SEL1L3: variants seen among roughly 807,000 people sequenced by gnomAD.
SEL1L3 encodes protein sel-1 homolog 3.
Under a neutral mutation model 142.8 loss-of-function variants are expected in SEL1L3, and 76 were observed. The observed-to-expected ratio is 0.53, with a 90% CI of 0.44 to 0.64. The LOEUF is 0.64. Among genes scored for constraint, SEL1L3 ranks in the 30% least tolerant of loss-of-function variants. The probability of loss-of-function intolerance (pLI) is 0.00; values close to 1 mark genes in which losing one functional copy is unlikely to be tolerated. For synonymous variants in SEL1L3, 504 were observed against 519.6 expected (o/e 0.97, Z 0.41); for missense variants, 1,262 against 1,381.7 (o/e 0.91, Z 1.37).
chr4:25,854,317 G>C (rs184632855), intron 1 of SEL1L3, among the ~76,000 whole-genome samples: 2 of 151,894 alleles, frequency 1.3e-5, no homozygotes, highest in African/African-American at 4.8e-5. Flanking sequence ...TCCCTCTATC[G>C]CCCAGGCTCA....
chr4:25,724,755 A>G, the SEL1L3 span, among the ~76,000 whole-genome samples: 131 of 96,888 alleles, frequency 1.4e-3, 11 homozygotes, highest in Middle Eastern at 9.3e-3. Context: ...AAAAAAAAAA[A>G]AAAAAAAAAA....
At chr4:25,789,069 T>C (rs1712081854) in intron 12 of SEL1L3, among the ~76,000 whole-genome samples, 1 of 152,140 alleles carries the variant, frequency 6.6e-6, no homozygotes, top group Non-Finnish European at 1.5e-5. Flanking sequence ...TTCCTTCCTG[T>C]ACTAGAAAGA....
At chr4:25,758,796 G>T in intron 21 of SEL1L3, 145 bp downstream of exon 21, 3 of 814,270 alleles carry the variant, frequency 3.7e-6, no homozygotes, top group Non-Finnish European at 5.3e-6. Flanking sequence ...TTACAAGTAT[G>T]AGCCACGGTG....
At chr4:25,758,808 C>T (rs955978112) in intron 21 of SEL1L3, 133 bp downstream of exon 21, 115 of 967,402 alleles carry the variant, frequency 1.2e-4, no homozygotes, top group Non-Finnish European at 1.6e-4. Flanking sequence ...GCCACGGTGC[C>T]CTGCTTTTTG....
chr4:25,741,083 C>T, the SEL1L3 span, among the ~76,000 whole-genome samples: 1 of 151,054 alleles, frequency 6.6e-6, no homozygotes, highest in Non-Finnish European at 1.5e-5. Flanking sequence ...CTGCACCTGG[C>T]CATATTACCT....
intron 1 of SEL1L3, among the ~76,000 whole-genome samples, chr4:25,860,280 T>C (rs1178059945): frequency 2.0e-5 from 3 of 152,216 alleles, no homozygotes; most frequent in Non-Finnish European, 4.4e-5. Flanking sequence ...CTCTAGAGTC[T>C]ACATATTCCT....
At chr4:25,791,229 T>C (rs1712316706) in intron 11 of SEL1L3, among the ~76,000 whole-genome samples, 1 of 152,254 alleles carries the variant, frequency 6.6e-6, no homozygotes, top group African/African-American at 2.4e-5. Flanking sequence ...CAGGTTCTGC[T>C]TCAAATATCT....
At chr4:25,843,697 G>C (rs1038541656) in intron 2 of SEL1L3, among the ~76,000 whole-genome samples, 2 of 152,236 alleles carry the variant, frequency 1.3e-5, no homozygotes, top group Non-Finnish European at 2.9e-5. Flanking sequence ...CGTGCACCGG[G>C]GGCATGTGGC....
intron 6 of SEL1L3, among the ~76,000 whole-genome samples, chr4:25,826,044 G>A (rs1018286305): frequency 3.9e-5 from 6 of 152,130 alleles, no homozygotes; most frequent in African/African-American, 9.6e-5. Context: ...CACTCACCAC[G>A]ATTTGTAATT....
chr4:25,801,401 T>G (rs1713174473), intron 11 of SEL1L3, among the ~76,000 whole-genome samples: 1 of 152,156 alleles, frequency 6.6e-6, no homozygotes, highest in African/African-American at 2.4e-5. Flanking sequence ...AGACTCTGTC[T>G]CAAAAAAAAC....
At chr4:25,822,440 C>T (rs1714824996) in intron 6 of SEL1L3, among the ~76,000 whole-genome samples, 1 of 152,180 alleles carries the variant, frequency 6.6e-6, no homozygotes. Flanking sequence ...TGTCAAGCAT[C>T]TAGCAGAGTG....
At chr4:25,739,972 T>A in the SEL1L3 span, among the ~76,000 whole-genome samples, 12,461 of 151,866 alleles carry the variant, frequency 0.082, 677 homozygotes, top group African/African-American at 0.15. Context: ...TTAATTAATT[T>A]ATTTAATAGA....
intron 2 of SEL1L3, among the ~76,000 whole-genome samples, chr4:25,838,658 A>AC (rs1437395698): frequency 7.9e-5 from 12 of 151,970 alleles, no homozygotes; most frequent in Non-Finnish European, 1.8e-4. Flanking sequence ...CCCGCCACCC[A>AC]CCCTGGCCCC....
intron 11 of SEL1L3, among the ~76,000 whole-genome samples, chr4:25,798,545 C>G (rs73103970): frequency 2.0e-5 from 3 of 152,012 alleles, no homozygotes; most frequent in Non-Finnish European, 4.4e-5. Flanking sequence ...AAGACCAGGA[C>G]GGCTGGGCGA....
chr4:25,727,010 G>A, the SEL1L3 span, among the ~76,000 whole-genome samples: 193 of 151,462 alleles, frequency 1.3e-3, no homozygotes, highest in Non-Finnish European at 2.1e-3. Context: ...GTCCCCCAGC[G>A]CCCTTCGTGT....
rs7697836 is a variant in SEL1L3, at chr4:25,752,898, C to A, written c.3260-4334G>T. ...GGCCTCCCAAAGTGCTAGGCGTGAG[C>A]CACTGCGCCCAGCCCATTTGTGGAG... On this transcript the variant is annotated intron_variant, in intron 23 of 23. Coordinates refer to ENST00000399878, the MANE Select transcript of SEL1L3 (RefSeq NM_015187.5). Among the ~76,000 whole-genome samples the A allele has an allele frequency of 8.9e-3, 1,357 of 152,354 alleles. 14 individuals carry two copies. Among genetic ancestry groups the A allele is most frequent in the African/African-American group, 0.03 (1,259 of 41,592 alleles).
At chr4:25,852,221 G>A (rs1382891904) in intron 1 of SEL1L3, among the ~76,000 whole-genome samples, 1 of 152,158 alleles carries the variant, frequency 6.6e-6, no homozygotes, top group Non-Finnish European at 1.5e-5. Context: ...CAATCAAGAG[G>A]TGACATTCTC....
At chr4:25,855,577 G>T (rs1180726060) in intron 1 of SEL1L3, among the ~76,000 whole-genome samples, 2 of 152,124 alleles carry the variant, frequency 1.3e-5, no homozygotes, top group Non-Finnish European at 2.9e-5. Flanking sequence ...TCAACAAGGT[G>T]AAACCTTGTC....
downstream of SEL1L3, among the ~76,000 whole-genome samples, chr4:25,743,857 C>G (rs1431119413): frequency 6.6e-6 from 1 of 152,166 alleles, no homozygotes; most frequent in Non-Finnish European, 1.5e-5. Flanking sequence ...TTCCTTCCCT[C>G]CTACCCCACG....
Sources: allele counts gnomAD v4.1 joint callset (sites outside exome capture counted in the v4.1 genomes callset), GRCh38; gene constraint gnomAD v4.1.1; transcripts MANE v1.5; gene names NCBI Gene and HGNC (gene_info 2026-07-23, HGNC 2026-07-21).